Variants in CSMD1 observed in about 807,000 individuals in gnomAD.
CSMD1 encodes CUB and sushi domain-containing protein 1.
A neutral mutation model predicts 417.5 loss-of-function variants in CSMD1; 213 were observed. The observed-to-expected ratio is 0.51, with a 90% CI of 0.46 to 0.57. The LOEUF (loss-of-function observed/expected upper bound fraction) is 0.57, where lower values mean the gene tolerates loss of function less well. Among genes scored for constraint, CSMD1 ranks in the 20% least tolerant of loss-of-function variants. The pLI, the probability that CSMD1 is intolerant of heterozygous loss-of-function variation, is 0.00. For missense variants in CSMD1, 6,923 were observed against 4,529.7 expected (o/e 1.53, Z -15.17); for synonymous variants, 2,862 against 1,736.8 (o/e 1.65, Z -16.11).
chr8:4,034,729 T>C (rs982697215), intron 3 of CSMD1, among the ~76,000 whole-genome samples: 5 of 152,214 alleles, frequency 3.3e-5, no homozygotes, highest in Middle Eastern at 3.2e-3. Context: ...TTTTCTTTAA[T>C]GTCCAGGAAT....
At chr8:3,604,864 C>G (rs955478047) in intron 8 of CSMD1, among the ~76,000 whole-genome samples, 2 of 152,120 alleles carry the variant, frequency 1.3e-5, no homozygotes, top group African/African-American at 4.8e-5. Flanking sequence ...GGGGCTCTAG[C>G]TACCTCCACG....
intron 1 of CSMD1, among the ~76,000 whole-genome samples, chr8:4,930,336 A>G (rs184527388): frequency 2.2e-4 from 34 of 152,280 alleles, no homozygotes; most frequent in Admixed American, 1.6e-3. Flanking sequence ...GAACACTGTA[A>G]TAATGTAATT....
At chr8:3,558,286 C>T (rs116949288) in intron 10 of CSMD1, among the ~76,000 whole-genome samples, 4,167 of 145,730 alleles carry the variant, frequency 0.029, 89 homozygotes, top group Non-Finnish European at 0.046. Flanking sequence ...ATGAATGGTG[C>T]CTCAATGGAA....
chr8:4,153,882 A>T (rs59234696), intron 3 of CSMD1, among the ~76,000 whole-genome samples: 2 of 152,150 alleles, frequency 1.3e-5, no homozygotes, highest in African/African-American at 4.8e-5. Flanking sequence ...CATGGCAGCA[A>T]ACTAACATCT....
At chr8:3,161,224 C>T (rs1264005974) in intron 38 of CSMD1, among the ~76,000 whole-genome samples, 1 of 152,098 alleles carries the variant, frequency 6.6e-6, no homozygotes, top group South Asian at 2.1e-4. Context: ...AGTAGGCTTA[C>T]TCATGGTTAA....
intron 4 of CSMD1, among the ~76,000 whole-genome samples, chr8:4,029,583 T>G (rs1034811208): frequency 3.9e-5 from 6 of 152,220 alleles, no homozygotes; most frequent in Admixed American, 3.9e-4. Context: ...CTCCCACATG[T>G]GAGAATTGTG....
intron 5 of CSMD1, among the ~76,000 whole-genome samples, chr8:3,756,079 G>C (rs890483471): frequency 5.9e-5 from 9 of 151,946 alleles, no homozygotes; most frequent in African/African-American, 2.2e-4. Flanking sequence ...CATTGTGGCC[G>C]GGCGCAGTGG....
rs140931100 is a variant in CSMD1 at position 4,753,245 on chromosome 8, C to T, written c.86-115687G>A. Among the ~76,000 whole-genome samples the T allele has an allele frequency of 1.6e-4, 25 of 151,710 alleles. 1 individual carries two copies. The East Asian group carries it at 3.9e-3, about 24-fold the overall frequency. On this transcript the variant is annotated intron_variant, in intron 1 of 69. Transcript: ENST00000635120. ...ATTTGCTTTTTTCTGCTGTTCTGGGCTGAGTCACAAAAGAAAATTTCCCTT... is the reference window on the plus strand; with the variant it reads ...ATTTGCTTTTTTCTGCTGTTCTGGGTTGAGTCACAAAAGAAAATTTCCCTT...
chr8:3,261,384 A>G (rs1003722079), intron 26 of CSMD1, among the ~76,000 whole-genome samples: 1 of 152,216 alleles, frequency 6.6e-6, no homozygotes, highest in Non-Finnish European at 1.5e-5. Flanking sequence ...TTACGTTCCC[A>G]TGATAAAGAT....
intron 1 of CSMD1, among the ~76,000 whole-genome samples, chr8:4,767,951 C>G (rs891721973): frequency 2.6e-5 from 4 of 152,098 alleles, no homozygotes; most frequent in Admixed American, 6.6e-5. Context: ...ATCCTTCGTA[C>G]TCGAGGGCGT....
At chr8:3,908,126 A>G (rs777310745) in intron 5 of CSMD1, among the ~76,000 whole-genome samples, 6 of 152,182 alleles carry the variant, frequency 3.9e-5, no homozygotes, top group African/African-American at 1.4e-4. Context: ...CCCTCTGAGA[A>G]TAACAAATAC....
intron 1 of CSMD1, among the ~76,000 whole-genome samples, chr8:4,823,022 T>C (rs576493034): frequency 2.6e-5 from 4 of 152,162 alleles, no homozygotes; most frequent in Admixed American, 2.0e-4. Context: ...TTTGCAGTTC[T>C]CATTCCATCA....
chr8:4,548,091 C>G (rs746436427), intron 2 of CSMD1, among the ~76,000 whole-genome samples: 1 of 152,246 alleles, frequency 6.6e-6, no homozygotes, highest in Middle Eastern at 3.4e-3. Context: ...GAAGGAATTA[C>G]AGCTTGTTCT....
At chr8:3,749,024 G>A (rs916288235) in intron 6 of CSMD1, among the ~76,000 whole-genome samples, 5 of 152,110 alleles carry the variant, frequency 3.3e-5, no homozygotes, top group African/African-American at 4.8e-5. Context: ...ATAAACAGCC[G>A]GGTAAAGGTG....
At chr8:3,616,687 T>C (rs1315433288) in intron 8 of CSMD1, 23 bp downstream of exon 8, 6 of 1,448,256 alleles carry the variant, frequency 4.1e-6, no homozygotes, top group African/African-American at 1.4e-5. Flanking sequence ...CATGCTTTTT[T>C]CCACCACTAT....
chr8:4,348,604 TGTGTTGGGG>T (rs1800910122), intron 3 of CSMD1, among the ~76,000 whole-genome samples: 1 of 44,836 alleles, frequency 2.2e-5, no homozygotes, highest in African/African-American at 9.6e-5. Context: ...TGTGCGTGGG[TGTGTTGGGG>T]GTGGGGGAGG....
In CSMD1 at chr8:3,619,218, T is replaced by A. The variant is rs1026505278; in HGVS notation, c.1010-2421A>T. Among the ~76,000 whole-genome samples, 11 of 152,034 alleles carry A rather than the reference T, an allele frequency of 7.2e-5. No individual in the cohort carries two copies. In the East Asian group the frequency reaches 2.1e-3, roughly 29 times the overall value. The stretch of plus-strand genomic sequence containing the variant: ...ATAAAAACAAAAATACAGCAAAATG[T>A]ACACACAAACCCAGACAGGACATGT... On this transcript the variant is annotated intron_variant, in intron 7 of 69. Coordinates refer to ENST00000635120, the MANE Select transcript of CSMD1 (RefSeq NM_033225.6).
At chr8:3,460,218 T>A (rs897817786) in intron 12 of CSMD1, among the ~76,000 whole-genome samples, 1 of 152,084 alleles carries the variant, frequency 6.6e-6, no homozygotes, top group Non-Finnish European at 1.5e-5. Context: ...GACGGGAAGA[T>A]CAGCAAATGA....
rs537686826 is a variant in CSMD1, at chr8:4,920,238, G to C, written c.85+74094C>G. On this transcript the variant is annotated intron_variant, in intron 1 of 69. Transcript: ENST00000635120. ...GGATCTTCACCCCCAAATCTACTCA[G>C]ACTTATTCTAGAAAGTATTATACTT... is the stretch of plus-strand genomic sequence containing the variant. Among the ~76,000 whole-genome samples the C allele has an allele frequency of 5.3e-5, 8 of 152,170 alleles. No homozygotes were observed. The South Asian group carries it at 1.5e-3, about 28-fold the overall frequency.
Sources: allele counts gnomAD v4.1 joint callset (sites outside exome capture counted in the v4.1 genomes callset), GRCh38; gene constraint gnomAD v4.1.1; transcripts MANE v1.5; gene names NCBI Gene and HGNC (gene_info 2026-07-23, HGNC 2026-07-21).